Variants in ELMO1 observed in about 807,000 individuals in gnomAD.
The protein encoded by ELMO1 is engulfment and cell motility protein 1.
Under a neutral mutation model 98.9 loss-of-function variants are expected in ELMO1, and 26 were observed. The observed-to-expected ratio is 0.26, with a 90% CI of 0.19 to 0.36. ELMO1 has a LOEUF of 0.36. Among genes scored for constraint, ELMO1 ranks in the 10% least tolerant of loss-of-function variants. The pLI, the probability that ELMO1 is intolerant of heterozygous loss-of-function variation, is 1.00. For synonymous variants in ELMO1, 346 were observed against 346.0 expected, an observed-to-expected ratio of 1.00 and a Z score of 0.00; for missense variants, 627 against 935.2, an observed-to-expected ratio of 0.67 and a Z score of 4.30.
At chr7:36,894,825 G>A (rs1805861283) in intron 17 of ELMO1, 29 bp downstream of exon 17, 1 of 1,613,750 alleles carries the variant, frequency 6.2e-7, no homozygotes, top group Non-Finnish European at 8.5e-7. Flanking sequence ...AGTCTTTTGG[G>A]AGATAGAAGT....
At chr7:36,883,783 C>T (rs1251622690) in intron 18 of ELMO1, among the ~76,000 whole-genome samples, 1 of 152,124 alleles carries the variant, frequency 6.6e-6, no homozygotes, top group Admixed American at 6.5e-5. Context: ...ATTAGTCAGT[C>T]TTAGGCATTT....
chr7:37,280,358 T>G (rs1456896839), intron 4 of ELMO1, among the ~76,000 whole-genome samples: 2 of 152,100 alleles, frequency 1.3e-5, no homozygotes, highest in African/African-American at 4.8e-5. Context: ...AGCTGGGACC[T>G]AATTAAACTA....
chr7:37,280,225 G>A (rs1248051430), intron 4 of ELMO1, among the ~76,000 whole-genome samples: 1 of 152,180 alleles, frequency 6.6e-6, no homozygotes, highest in Non-Finnish European at 1.5e-5. Context: ...GGACTTAAAC[G>A]TAAGACCTGA....
At chr7:36,911,374 C>T (rs553058258) in intron 16 of ELMO1, among the ~76,000 whole-genome samples, 2 of 152,202 alleles carry the variant, frequency 1.3e-5, no homozygotes, top group Admixed American at 6.5e-5. Context: ...ATAGGAAGGA[C>T]ATAAGGCAAA....
intron 16 of ELMO1, among the ~76,000 whole-genome samples, chr7:36,989,467 C>T (rs989813211): frequency 3.3e-5 from 5 of 152,162 alleles, no homozygotes; most frequent in African/African-American, 7.2e-5. Context: ...GGAATTCTTA[C>T]GCACACCACA....
chr7:37,195,462 G>A lies in ELMO1; in HGVS notation c.1086+15924C>T, dbSNP rs920099658. On this transcript the variant is annotated intron_variant, in intron 13 of 21. Transcript: ENST00000310758. Reference sequence around the variant, plus strand: ...CTATCAAAGTGCTCTACAGGTGACCGATGGGACGCCATTCTACAGTGAGCC... The same window carrying A: ...CTATCAAAGTGCTCTACAGGTGACCAATGGGACGCCATTCTACAGTGAGCC... 1.2e-4 allele frequency among the ~76,000 whole-genome samples: 19 copies of A among 152,338 alleles called. No individual in the cohort carries two copies. The South Asian group carries it at 2.1e-3, about 17-fold the overall frequency.
At chr7:37,009,750 G>C (rs139460871) in intron 16 of ELMO1, among the ~76,000 whole-genome samples, 45 of 152,330 alleles carry the variant, frequency 3.0e-4, no homozygotes, top group South Asian at 1.2e-3. Context: ...ACCTGAGATA[G>C]TGTCCAAGAA....
At chr7:37,297,735 T>C (rs1798113201) in intron 4 of ELMO1, among the ~76,000 whole-genome samples, 1 of 152,190 alleles carries the variant, frequency 6.6e-6, no homozygotes, top group Non-Finnish European at 1.5e-5. Flanking sequence ...ATAGGAAATA[T>C]GACTCACTGA....
intron 1 of ELMO1, among the ~76,000 whole-genome samples, chr7:37,355,093 C>T (rs1190836711): frequency 6.6e-6 from 1 of 152,180 alleles, no homozygotes; most frequent in Non-Finnish European, 1.5e-5. Context: ...GCTCTTTCTC[C>T]CGGCCTGACG....
intron 13 of ELMO1, among the ~76,000 whole-genome samples, chr7:37,133,491 T>G (rs1462929498): frequency 1.3e-5 from 2 of 152,168 alleles, no homozygotes; most frequent in Non-Finnish European, 2.9e-5. Context: ...ATAGGATTAT[T>G]CTTAGACATG....
At chr7:37,332,841 C>G (rs965255351) in intron 2 of ELMO1, among the ~76,000 whole-genome samples, 4 of 152,044 alleles carry the variant, frequency 2.6e-5, no homozygotes, top group Non-Finnish European at 5.9e-5. Flanking sequence ...GAATGTTAGG[C>G]CTAGGGGAAT....
chr7:36,862,771 C>T (rs555776937), intron 20 of ELMO1, among the ~76,000 whole-genome samples: 114 of 152,330 alleles, frequency 7.5e-4, no homozygotes, highest in Non-Finnish European at 1.4e-3. Flanking sequence ...ATCCCTCTCC[C>T]CTCCTGTGAT....
At chr7:37,303,179 T>C (rs1178230701) in intron 4 of ELMO1, among the ~76,000 whole-genome samples, 1 of 152,218 alleles carries the variant, frequency 6.6e-6, no homozygotes, top group African/African-American at 2.4e-5. Flanking sequence ...AGTAAAGGAA[T>C]CTAGCTTTGT....
At chr7:36,967,986 C>A (rs1789594730) in intron 16 of ELMO1, among the ~76,000 whole-genome samples, 2 of 152,082 alleles carry the variant, frequency 1.3e-5, no homozygotes, top group East Asian at 3.9e-4. Context: ...AGTTTATTAT[C>A]TAATTATAGA....
At position 37,010,379 on chromosome 7, in the gene ELMO1, G is replaced by A. The variant is rs141157435; in HGVS notation, c.1437+2920C>T. Among the ~76,000 whole-genome samples the A allele has an allele frequency of 2.2e-3, 341 of 152,352 alleles. 1 individual carries two copies. The highest frequency in any genetic ancestry group is 4.4e-3 in the East Asian group (23 of 5,184). Reference sequence around the variant, plus strand: ...TTACCTTCTGCAGCACAGGGGAATTGGGGTTGCAGACAGAATTAAGGTTAT... The same window carrying A: ...TTACCTTCTGCAGCACAGGGGAATTAGGGTTGCAGACAGAATTAAGGTTAT... On this transcript the variant is annotated intron_variant, in intron 16 of 21. Coordinates refer to ENST00000310758, the MANE Select transcript of ELMO1 (RefSeq NM_014800.11).
chr7:37,034,347 C>T (rs1344799495), intron 15 of ELMO1, among the ~76,000 whole-genome samples: 1 of 152,040 alleles, frequency 6.6e-6, no homozygotes, highest in African/African-American at 2.4e-5. Flanking sequence ...GGAGACAGGC[C>T]CCAGGAACAA....
chr7:36,951,816 G>C (rs1211735496), intron 16 of ELMO1, among the ~76,000 whole-genome samples: 1 of 152,210 alleles, frequency 6.6e-6, no homozygotes, highest in East Asian at 1.9e-4. Flanking sequence ...TTCTCTGCTA[G>C]AAACTTCCAT....
At chr7:36,932,843 C>T (rs115957872) in intron 16 of ELMO1, among the ~76,000 whole-genome samples, 1,761 of 152,262 alleles carry the variant, frequency 0.012, 14 homozygotes, top group Middle Eastern at 0.037. Context: ...GCTCAGTGCC[C>T]GGGACAGCAA....
chr7:37,163,769 G>C (rs1156298738), intron 13 of ELMO1, among the ~76,000 whole-genome samples: 4 of 152,142 alleles, frequency 2.6e-5, no homozygotes, highest in Non-Finnish European at 5.9e-5. Flanking sequence ...CCAAGTCTTT[G>C]CTATTGTGAA....
Sources: allele counts gnomAD v4.1 joint callset (sites outside exome capture counted in the v4.1 genomes callset), GRCh38; gene constraint gnomAD v4.1.1; transcripts MANE v1.5; gene names NCBI Gene and HGNC (gene_info 2026-07-23, HGNC 2026-07-21).